Variants in ABTB3 observed in about 807,000 individuals in gnomAD.
The protein encoded by ABTB3 is ankyrin repeat- and BTB/POZ domain-containing protein 3.
chr12:107,655,522 C>T, the ABTB3 span, among the ~76,000 whole-genome samples: 4 of 152,158 alleles, frequency 2.6e-5, no homozygotes, highest in South Asian at 2.1e-4. Context: ...GATTGTGCTG[C>T]AAATAGAGGC....
At chr12:107,350,180 T>A in the ABTB3 span, among the ~76,000 whole-genome samples, 7 of 152,122 alleles carry the variant, frequency 4.6e-5, no homozygotes, top group South Asian at 1.4e-3. Flanking sequence ...AAAAATAAAA[T>A]GAAACTAATT....
chr12:107,505,343 A>T, the ABTB3 span, among the ~76,000 whole-genome samples: 1 of 152,166 alleles, frequency 6.6e-6, no homozygotes, highest in South Asian at 2.1e-4. Flanking sequence ...GCATTTATGA[A>T]ACTACAATAA....
the ABTB3 span, among the ~76,000 whole-genome samples, chr12:107,561,784 C>A: frequency 6.6e-6 from 1 of 152,194 alleles, no homozygotes; most frequent in Non-Finnish European, 1.5e-5. Context: ...CCCCCTCTTA[C>A]TCCTTAAGCT....
the ABTB3 span, among the ~76,000 whole-genome samples, chr12:107,457,728 C>T: frequency 6.6e-6 from 1 of 152,246 alleles, no homozygotes. Context: ...GCCTCAGCTG[C>T]CTGTTGCATG....
At chr12:107,464,397 A>C in the ABTB3 span, among the ~76,000 whole-genome samples, 9 of 152,052 alleles carry the variant, frequency 5.9e-5, no homozygotes, top group African/African-American at 9.7e-5. Context: ...TGCAGCTGCA[A>C]ACTCCTGGGC....
At chr12:107,491,039 C>T in the ABTB3 span, among the ~76,000 whole-genome samples, 1 of 152,166 alleles carries the variant, frequency 6.6e-6, no homozygotes, top group South Asian at 2.1e-4. Flanking sequence ...GGGGCCACAC[C>T]TTCCCAGGAG....
chr12:107,522,703 A>C, the ABTB3 span, among the ~76,000 whole-genome samples: 1 of 147,862 alleles, frequency 6.8e-6, no homozygotes, highest in African/African-American at 2.5e-5. Context: ...AGGAAGAGAA[A>C]GAGAGAGGGG....
At chr12:107,357,592 C>T in the ABTB3 span, among the ~76,000 whole-genome samples, 2 of 152,092 alleles carry the variant, frequency 1.3e-5, no homozygotes, top group Non-Finnish European at 2.9e-5. Flanking sequence ...GCCTGGGCCA[C>T]AGAGTAAGAT....
chr12:107,443,849 G>A, the ABTB3 span, among the ~76,000 whole-genome samples: 1 of 152,128 alleles, frequency 6.6e-6, no homozygotes, highest in Non-Finnish European at 1.5e-5. Flanking sequence ...TCCTGCCCTC[G>A]GAAAGGACTG....
chr12:107,482,972 CTTT>C, the ABTB3 span, among the ~76,000 whole-genome samples: 51 of 59,150 alleles, frequency 8.6e-4, 1 homozygote, highest in African/African-American at 3.2e-3. Context: ...TTCTTTCTTT[CTTT>C]CTTTCTTTCT....
At chr12:107,491,842 A>T in the ABTB3 span, among the ~76,000 whole-genome samples, 5 of 151,138 alleles carry the variant, frequency 3.3e-5, no homozygotes, top group Admixed American at 6.6e-5. Context: ...AAAAAAAAAA[A>T]CCCGGTTGAA....
the ABTB3 span, among the ~76,000 whole-genome samples, chr12:107,471,797 G>A: frequency 3.3e-5 from 5 of 152,064 alleles, no homozygotes; most frequent in Non-Finnish European, 7.4e-5. Context: ...CATTAACTCT[G>A]CCCCCGTGCC....
At chr12:107,456,397 C>T in the ABTB3 span, among the ~76,000 whole-genome samples, 1 of 152,196 alleles carries the variant, frequency 6.6e-6, no homozygotes, top group African/African-American at 2.4e-5. Flanking sequence ...TAAGCGGCAG[C>T]ATTAGATTCT....
At chr12:107,484,224 C>T in the ABTB3 span, among the ~76,000 whole-genome samples, 29 of 152,300 alleles carry the variant, frequency 1.9e-4, no homozygotes, top group Non-Finnish European at 3.7e-4. Flanking sequence ...AAAAGCAAAG[C>T]AGTTCTGGTT....
chr12:107,497,993 G>A, the ABTB3 span, among the ~76,000 whole-genome samples: 2 of 152,158 alleles, frequency 1.3e-5, no homozygotes, highest in Non-Finnish European at 2.9e-5. Flanking sequence ...CAGAAGACAG[G>A]CTCAGAACAA....
the ABTB3 span, among the ~76,000 whole-genome samples, chr12:107,526,806 G>A: frequency 3.2e-4 from 48 of 152,088 alleles, no homozygotes; most frequent in African/African-American, 1.0e-3. Flanking sequence ...AGAAGAAAAC[G>A]CAAACCCACA....
At chr12:107,589,180 G>A in the ABTB3 span, among the ~76,000 whole-genome samples, 1 of 152,240 alleles carries the variant, frequency 6.6e-6, no homozygotes, top group Non-Finnish European at 1.5e-5. Flanking sequence ...AAATGCACAT[G>A]AAATACTAGC....
the ABTB3 span, among the ~76,000 whole-genome samples, chr12:107,625,573 G>T: frequency 2.0e-5 from 3 of 152,174 alleles, no homozygotes; most frequent in African/African-American, 4.8e-5. Context: ...GGGGGTAGGT[G>T]GGGGCAGGTA....
At chr12:107,469,769 C>T in the ABTB3 span, among the ~76,000 whole-genome samples, 1 of 152,158 alleles carries the variant, frequency 6.6e-6, no homozygotes, top group Non-Finnish European at 1.5e-5. Flanking sequence ...TGTCAATATT[C>T]AATTTTTCTT....
Sources: allele counts gnomAD v4.1 joint callset (sites outside exome capture counted in the v4.1 genomes callset), GRCh38; gene constraint gnomAD v4.1.1; transcripts MANE v1.5; gene names NCBI Gene and HGNC (gene_info 2026-07-23, HGNC 2026-07-21).